Variants in EPM2A observed in about 807,000 individuals in gnomAD.
EPM2A encodes laforin.
Under a neutral mutation model 26.5 loss-of-function variants are expected in EPM2A, and 21 were observed. The observed-to-expected ratio is 0.79, with a 90% confidence interval of 0.56 to 1.14. The LOEUF is 1.14. Among genes scored for constraint, EPM2A ranks in the 50% most tolerant of loss-of-function variants. The pLI is 0.00. For synonymous variants in EPM2A, 217 were observed against 177.6 expected (o/e 1.22, Z -1.76); for missense variants, 458 against 440.8 (o/e 1.04, Z -0.35).
intron 4 of EPM2A, among the ~76,000 whole-genome samples, chr6:145,406,470 G>A (rs953872777): frequency 6.6e-6 from 1 of 152,226 alleles, no homozygotes; most frequent in East Asian, 1.9e-4. Context: ...TAACAATTAC[G>A]TGTGAAAGTG....
chr6:145,415,916 C>T (rs1171473245), intron 4 of EPM2A, among the ~76,000 whole-genome samples: 1 of 152,150 alleles, frequency 6.6e-6, no homozygotes, highest in African/African-American at 2.4e-5. Flanking sequence ...GATTTGGTTT[C>T]CATTCTTGCT....
intron 2 of EPM2A, among the ~76,000 whole-genome samples, chr6:145,568,581 C>A (rs2114822352): frequency 6.6e-6 from 1 of 152,272 alleles, no homozygotes. Context: ...CCTTAGCCTC[C>A]CAAAGTGCTA....
intron 1 of EPM2A, among the ~76,000 whole-genome samples, chr6:145,715,095 T>A (rs2128634275): frequency 6.6e-6 from 1 of 151,580 alleles, no homozygotes; most frequent in African/African-American, 2.4e-5. Flanking sequence ...GGTAGCATAT[T>A]ATTTGTTGTC....
At chr6:145,580,346 T>C (rs1018056735) in intron 2 of EPM2A, among the ~76,000 whole-genome samples, 1 of 152,170 alleles carries the variant, frequency 6.6e-6, no homozygotes, top group African/African-American at 2.4e-5. Flanking sequence ...TTTAAAACCA[T>C]AAAGAAATCT....
chr6:145,509,444 TA>T (rs1201110173), intron 2 of EPM2A, among the ~76,000 whole-genome samples: 1 of 152,202 alleles, frequency 6.6e-6, no homozygotes, highest in African/African-American at 2.4e-5. Context: ...TTAGCATTTT[TA>T]AAGAAAAGAA....
intron 2 of EPM2A, among the ~76,000 whole-genome samples, chr6:145,540,272 T>C (rs529954317): frequency 6.6e-6 from 1 of 152,294 alleles, no homozygotes; most frequent in Non-Finnish European, 1.5e-5. Context: ...GGAAAAAAAC[T>C]GAAAGGAAAC....
intron 4 of EPM2A, among the ~76,000 whole-genome samples, chr6:145,437,031 A>T (rs2114696892): frequency 6.6e-6 from 1 of 152,054 alleles, no homozygotes; most frequent in African/African-American, 2.4e-5. Flanking sequence ...CATTTATTTG[A>T]TATGTGATAT....
intron 1 of EPM2A, among the ~76,000 whole-genome samples, chr6:145,691,810 T>C (rs1310017167): frequency 1.3e-5 from 2 of 151,806 alleles, no homozygotes; most frequent in Admixed American, 6.6e-5. Context: ...GAACCAGACA[T>C]GCCACACAAT....
At chr6:145,696,059 T>G (rs1189024379) in intron 1 of EPM2A, among the ~76,000 whole-genome samples, 1 of 152,098 alleles carries the variant, frequency 6.6e-6, no homozygotes, top group East Asian at 1.9e-4. Context: ...TCCAGAAGAC[T>G]GAAATCATAT....
chr6:145,519,183 CT>C (rs1780170747), intron 2 of EPM2A, among the ~76,000 whole-genome samples: 1 of 152,078 alleles, frequency 6.6e-6, no homozygotes, highest in African/African-American at 2.4e-5. Flanking sequence ...AATCATCTTC[CT>C]TTGGAGAAAT....
At chr6:145,688,520 G>C (rs1781076897) in intron 1 of EPM2A, among the ~76,000 whole-genome samples, 1 of 152,128 alleles carries the variant, frequency 6.6e-6, no homozygotes, top group Non-Finnish European at 1.5e-5. Context: ...GTTGGGTTTG[G>C]AGTGCTCTTT....
In EPM2A at chr6:145,593,247, G is replaced by T. The variant is rs183844500; in HGVS notation, c.340+41998C>A. ...ATGATAAAGGCCTATTCTCCAAGAAGACATGACAATTTAATTTGTATGTAC... is the reference window on the plus strand; with the variant it reads ...ATGATAAAGGCCTATTCTCCAAGAATACATGACAATTTAATTTGTATGTAC... On this transcript the variant is annotated intron_variant, in intron 2 of 3. Coordinates refer to the EPM2A transcript ENST00000450221. 9.1e-4 allele frequency among the ~76,000 whole-genome samples: 138 copies of T among 152,206 alleles called. 1 individual carries two copies. Among genetic ancestry groups the T allele is most frequent in the Admixed American group, 6.5e-3 (99 of 15,286 alleles).
In EPM2A at chr6:145,635,492, G is replaced by A. The variant is rs1175443643; in HGVS notation, c.477-6C>T. 4 of 1,613,806 alleles carry A rather than the reference G, an allele frequency of 2.5e-6. No homozygotes were observed. Among genetic ancestry groups the A allele is most frequent in the African/African-American group, 1.3e-5 (1 of 74,930 alleles). On this transcript the variant is annotated splice_polypyrimidine_tract_variant and splice_region_variant and intron_variant, in intron 2 of 3. Transcript: ENST00000367519. ...GCCAGATATTTGGTAGAATTCTAAT[G>A]AGAACATATGGAGACAACTATCACT...
At chr6:145,515,061 A>G (rs140472217) in intron 2 of EPM2A, among the ~76,000 whole-genome samples, 113 of 152,316 alleles carry the variant, frequency 7.4e-4, no homozygotes, top group African/African-American at 2.6e-3. Flanking sequence ...ACTGAAATGA[A>G]TTGATTCCCT....
chr6:145,417,566 G>A (rs9376934), intron 4 of EPM2A, among the ~76,000 whole-genome samples: 65,453 of 152,022 alleles, frequency 0.43, 14,430 homozygotes, highest in East Asian at 0.66. Flanking sequence ...GAAATTTCTA[G>A]CTGAAGCTCC....
chr6:145,701,760 T>C (rs879655547), intron 1 of EPM2A, among the ~76,000 whole-genome samples: 4 of 152,238 alleles, frequency 2.6e-5, no homozygotes, highest in Non-Finnish European at 4.4e-5. Flanking sequence ...ATAAATCATA[T>C]TTCCTTAGGC....
chr6:145,532,962 A>G (rs1369164160), intron 2 of EPM2A, among the ~76,000 whole-genome samples: 1 of 151,744 alleles, frequency 6.6e-6, no homozygotes, highest in Non-Finnish European at 1.5e-5. Context: ...TGACCCCTAG[A>G]TGTATATTTT....
intron 4 of EPM2A, among the ~76,000 whole-genome samples, chr6:145,392,225 A>C (rs1778346158): frequency 6.6e-6 from 1 of 152,192 alleles, no homozygotes; most frequent in Admixed American, 6.5e-5. Flanking sequence ...TCTCAATAGC[A>C]GTGTGAGACC....
chr6:145,484,044 G>A (rs531200687), intron 4 of EPM2A, among the ~76,000 whole-genome samples: 1 of 152,240 alleles, frequency 6.6e-6, no homozygotes, highest in African/African-American at 2.4e-5. Flanking sequence ...CTTGCTACAT[G>A]ACAGAATTCA....
Sources: gnomAD v4.1 joint callset for allele counts (sites outside exome capture counted in the v4.1 genomes callset) on GRCh38, gnomAD v4.1.1 for gene constraint, MANE v1.5 for transcripts, NCBI Gene and HGNC (gene_info 2026-07-23, HGNC 2026-07-21) for gene names.